URGCP: variants seen among roughly 807,000 people sequenced by gnomAD.
URGCP encodes the protein up-regulator of cell proliferation.
In URGCP, 13 loss-of-function variants were observed where a neutral mutation model predicts 24.6. The observed-to-expected ratio is 0.53, with a 90% confidence interval of 0.34 to 0.84. The LOEUF (loss-of-function observed/expected upper bound fraction) is 0.84. Among genes scored for constraint, URGCP ranks in the 40% least tolerant of loss-of-function variants. The probability of loss-of-function intolerance (pLI) is 0.01; values close to 1 mark genes in which losing one functional copy is unlikely to be tolerated. For synonymous variants in URGCP, 444 were observed against 487.2 expected, an observed-to-expected ratio of 0.91 and a Z score of 1.17; for missense variants, 899 against 1,194.3, an observed-to-expected ratio of 0.75 and a Z score of 3.64.
chr7:43,900,025 G>GC (rs2095886938), intron 1 of URGCP, among the ~76,000 whole-genome samples: 1 of 151,924 alleles, frequency 6.6e-6, no homozygotes, highest in Admixed American at 6.6e-5. Flanking sequence ...TGCGCCTGTA[G>GC]TCCCAGCTAC....
At chr7:43,892,396 G>A (rs1401518404) in intron 1 of URGCP, among the ~76,000 whole-genome samples, 2 of 151,712 alleles carry the variant, frequency 1.3e-5, no homozygotes, top group Non-Finnish European at 2.9e-5. Context: ...TGGGATTACA[G>A]GCATGAGCCA....
intron 1 of URGCP, among the ~76,000 whole-genome samples, chr7:43,917,465 T>A (rs998610555): frequency 1.3e-5 from 2 of 152,200 alleles, no homozygotes; most frequent in Non-Finnish European, 2.9e-5. Context: ...TGGTTTTACG[T>A]CCTTGGAAGC....
At chr7:43,906,617 C>T (rs1201322661), upstream of URGCP, 1 of 1,182,136 alleles carries the variant, frequency 8.5e-7, no homozygotes, top group Non-Finnish European at 1.0e-6. Flanking sequence ...TCGCTTCCTC[C>T]GCGCGGCCGC....
upstream of URGCP, among the ~76,000 whole-genome samples, chr7:43,911,493 C>G (rs970828057): frequency 3.3e-5 from 5 of 152,096 alleles, no homozygotes; most frequent in Non-Finnish European, 7.4e-5. Context: ...GTCAGGAGTT[C>G]AAGACCAGCC....
intron 1 of URGCP, among the ~76,000 whole-genome samples, chr7:43,924,338 T>C (rs1010140369): frequency 2.0e-5 from 3 of 152,224 alleles, no homozygotes; most frequent in African/African-American, 7.2e-5. Context: ...TTTTCCTGAA[T>C]TATACAAATG....
intron 1 of URGCP, chr7:43,920,069 G>C (rs1369811584): frequency 3.1e-6 from 4 of 1,279,202 alleles, no homozygotes; most frequent in Non-Finnish European, 3.4e-6. Context: ...AGTCCCCTAG[G>C]ACAGGGACCC....
At chr7:43,889,818 A>G (rs1242017102) in intron 1 of URGCP, among the ~76,000 whole-genome samples, 1 of 151,730 alleles carries the variant, frequency 6.6e-6, no homozygotes, top group Non-Finnish European at 1.5e-5. Flanking sequence ...TACTGTACAC[A>G]CCCTACTTCA....
chr7:43,906,650 T>TGGCCCGCC (rs1270913239), upstream of URGCP: 2 of 1,108,670 alleles, frequency 1.8e-6, no homozygotes, highest in East Asian at 9.7e-5. Context: ...GGGAGGGGCC[T>TGGCCCGCC]GGCCCGCCGG....
rs138708187 is a variant in URGCP at position 43,891,006 on chromosome 7, C to G, written c.15-3190G>C. Among the ~76,000 whole-genome samples, 337 of 152,342 alleles carry G rather than the reference C, an allele frequency of 2.2e-3. 1 individual carries two copies. Among genetic ancestry groups the G allele is most frequent in the Non-Finnish European group, 9.8e-4 (67 of 68,038 alleles). On this transcript the variant is annotated intron_variant, in intron 1 of 5. Transcript: ENST00000453200. ...CCTTCTTTTTTTTCTAACTGCCCAG[C>G]AGAATTATCTTAGGAGCTTTTCTGC...
rs1020672454 is a variant in URGCP, at chr7:43,919,531, T to C, written c.-116+6601A>G. The C allele has an allele frequency of 6.7e-6, 9 of 1,340,500 alleles. No homozygotes were observed. The African/African-American group carries it at 1.0e-4, about 15-fold the overall frequency. 83.0% of individuals were successfully genotyped at this position (1,340,500 alleles called of 1,614,324 possible). A position where few individuals can be genotyped will look rare whatever the true frequency, so the allele number is the denominator to read the frequency against. On this transcript the variant is annotated intron_variant, in intron 1 of 5. Transcript: ENST00000426198. ...ATGACTGGCTACACCCAGCTGACTA[T>C]GGACCAATCAGTGGCCAGCGTGAGG...
chr7:43,916,462 A>G (rs1024144314), intron 1 of URGCP, among the ~76,000 whole-genome samples: 1 of 152,106 alleles, frequency 6.6e-6, no homozygotes, highest in South Asian at 2.1e-4. Flanking sequence ...ACTCAATTCC[A>G]AGCTTTGGAT....
intron 1 of URGCP, among the ~76,000 whole-genome samples, chr7:43,894,374 ACT>A (rs2095875355): frequency 1.3e-5 from 2 of 152,012 alleles, no homozygotes; most frequent in Non-Finnish European, 2.9e-5. Flanking sequence ...TTTTTGAGAC[ACT>A]CTCGTTCTGT....
chr7:43,882,946 T>G (rs1013379127), intron 3 of URGCP, among the ~76,000 whole-genome samples: 5 of 152,152 alleles, frequency 3.3e-5, no homozygotes, highest in Non-Finnish European at 7.3e-5. Flanking sequence ...TATTCCAGCA[T>G]AAGGAATTTT....
rs2095843843 is a variant in URGCP, at chr7:43,876,074, A to G, written c.*593T>C. 1 of 156,826 alleles carries G rather than the reference A, an allele frequency of 6.4e-6. No homozygotes were observed. Among genetic ancestry groups the G allele is most frequent in the Admixed American group, 6.2e-5 (1 of 16,164 alleles). 9.7% of individuals were successfully genotyped at this position (156,826 alleles called of 1,614,324 possible). The stretch of plus-strand genomic sequence containing the variant: ...GCTGCGTGAAGTGTGTGGCAGAGGT[A>G]TAACAAAGTGCTGTGGGGCACAACA... On this transcript the variant is annotated 3_prime_UTR_variant, in exon 6 of 6. Coordinates refer to ENST00000453200, the MANE Select transcript of URGCP (RefSeq NM_001077663.3).
chr7:43,904,170 C>G (rs752473243), intron 1 of URGCP, among the ~76,000 whole-genome samples: 51 of 152,230 alleles, frequency 3.4e-4, no homozygotes, highest in Non-Finnish European at 1.2e-4. Context: ...GGGACCAGGT[C>G]CCATCATCTG....
At chr7:43,902,598 A>C (rs992433863) in intron 1 of URGCP, among the ~76,000 whole-genome samples, 1 of 152,262 alleles carries the variant, frequency 6.6e-6, no homozygotes, top group African/African-American at 2.4e-5. Flanking sequence ...TTCTAAGGGA[A>C]TACAGAGGTC....
intron 1 of URGCP, among the ~76,000 whole-genome samples, chr7:43,902,743 A>G (rs897707781): frequency 2.6e-5 from 4 of 152,212 alleles, no homozygotes; most frequent in Admixed American, 6.5e-5. Context: ...GGTACAGAGA[A>G]TCCTTAAAAT....
In URGCP at chr7:43,906,580, G is replaced by A; in HGVS notation, c.-5C>T. The A allele has an allele frequency of 2.4e-6, 3 of 1,238,264 alleles. No individual in the cohort carries two copies. Among genetic ancestry groups the A allele is most frequent in the South Asian group, 2.5e-5 (1 of 39,270 alleles). The allele number at this position is 1,238,264 out of a possible 1,614,324, so 76.7% of individuals were successfully genotyped here. A position where few individuals can be genotyped will look rare whatever the true frequency, so the allele number is the denominator to read the frequency against. Reference sequence around the variant, plus strand: ...CACTCACCCGGGCGACGCCATGAGCGCAGCGAGGTCTCCGCTCCCGCCTCC... The same window carrying A: ...CACTCACCCGGGCGACGCCATGAGCACAGCGAGGTCTCCGCTCCCGCCTCC... On this transcript the variant is annotated 5_prime_UTR_variant, in exon 1 of 6. Coordinates refer to ENST00000453200, the MANE Select transcript of URGCP (RefSeq NM_001077663.3).
chr7:43,926,665 T>C (rs2095931580), upstream of URGCP: 1 of 1,216,338 alleles, frequency 8.2e-7, no homozygotes, highest in African/African-American at 1.6e-5. Context: ...GAGTCGCGGA[T>C]ACACCTGCCT....
Sources: allele counts gnomAD v4.1 joint callset (sites outside exome capture counted in the v4.1 genomes callset), GRCh38; gene constraint gnomAD v4.1.1; transcripts MANE v1.5; gene names NCBI Gene and HGNC (gene_info 2026-07-23, HGNC 2026-07-21).